Variants in ADGRA1 observed in about 807,000 individuals in gnomAD.
The protein encoded by ADGRA1 is adhesion G protein-coupled receptor A1.
A neutral mutation model predicts 21.3 loss-of-function variants in ADGRA1; 12 were observed. That is an observed-to-expected ratio of 0.56 (90% CI 0.36 to 0.91). ADGRA1 has a LOEUF of 0.91. Among genes scored for constraint, ADGRA1 ranks in the 40% least tolerant of loss-of-function variants. The probability of loss-of-function intolerance (pLI) is 0.01; values close to 1 mark genes in which losing one functional copy is unlikely to be tolerated. For missense variants in ADGRA1, 790 were observed against 805.6 expected (o/e 0.98, Z 0.23); for synonymous variants, 385 against 368.8 (o/e 1.04, Z -0.50).
At chr10:133,114,718 C>T (rs1420575610) in intron 5 of ADGRA1, among the ~76,000 whole-genome samples, 2 of 152,186 alleles carry the variant, frequency 1.3e-5, no homozygotes, top group African/African-American at 2.4e-5. Context: ...TCAGAAGTCA[C>T]GGTTAACTCA....
At chr10:133,126,679 G>T (rs977950299) in intron 5 of ADGRA1, among the ~76,000 whole-genome samples, 1 of 152,196 alleles carries the variant, frequency 6.6e-6, no homozygotes, top group East Asian at 1.9e-4. Context: ...CCCTGGGCTC[G>T]GGCTGTGCCT....
intron 2 of ADGRA1, among the ~76,000 whole-genome samples, chr10:133,089,731 C>T (rs73397181): frequency 6.6e-6 from 1 of 152,260 alleles, no homozygotes; most frequent in Non-Finnish European, 1.5e-5. Context: ...CGGTCTGAGT[C>T]ACTTGCTCAT....
chr10:133,112,019 A>G (rs9419108), intron 5 of ADGRA1, among the ~76,000 whole-genome samples: 1,606 of 27,700 alleles, frequency 0.058, 405 homozygotes, highest in African/African-American at 0.2. Context: ...CCCACCACAG[A>G]CACCTCCCTC....
rs183709079 is a variant in ADGRA1 at position 133,112,313 on chromosome 10, G to A, written c.401+9471G>A. The stretch of plus-strand genomic sequence containing the variant: ...GCTGTGTCAGTTATTTGGGGTCTGC[G>A]GGCCGCATCGGTTATCTGGGGTCTG... On this transcript the variant is annotated intron_variant, in intron 5 of 6. Coordinates refer to ENST00000392607, the MANE Select transcript of ADGRA1 (RefSeq NM_001083909.3). Among the ~76,000 whole-genome samples, 133 of 151,900 alleles carry A rather than the reference G, an allele frequency of 8.8e-4. 1 individual carries two copies. Among genetic ancestry groups the A allele is most frequent in the Admixed American group, 4.4e-3 (67 of 15,268 alleles).
intron 2 of ADGRA1, chr10:133,095,504 C>T: frequency 5.9e-6 from 5 of 854,332 alleles, no homozygotes; most frequent in Non-Finnish European, 8.6e-6. Flanking sequence ...CGCTCCTCTC[C>T]CAGGTGCCTT....
intron 4 of ADGRA1, among the ~76,000 whole-genome samples, chr10:133,100,809 G>A (rs768378289): frequency 1.3e-5 from 2 of 152,226 alleles, no homozygotes; most frequent in Non-Finnish European, 2.9e-5. Context: ...GTGAAGCCGC[G>A]TTCCAGAACA....
At chr10:133,114,417 G>A (rs917264213) in intron 5 of ADGRA1, among the ~76,000 whole-genome samples, 1 of 152,172 alleles carries the variant, frequency 6.6e-6, no homozygotes, top group African/African-American at 2.4e-5. Context: ...TGTCAGTCAC[G>A]AAGCGTCCTC....
rs59424819 is a variant in ADGRA1, at chr10:133,124,829, CCCCCGG to C, written c.402-2380_402-2375del. Among the ~76,000 whole-genome samples, 28 of 152,082 alleles carry C rather than the reference CCCCCGG, an allele frequency of 1.8e-4. No homozygotes were observed. The East Asian group carries it at 1.9e-3, about 11-fold the overall frequency. ...GCTGGACCCAGCGGAGCACCCCCTTCCCCCGGCCCCGGCCCCGGCCCCGGCCCCGCG... is the reference window on the plus strand; with the variant it reads ...GCTGGACCCAGCGGAGCACCCCCTTCCCCCGGCCCCGGCCCCGGCCCCGCG... On this transcript the variant is annotated intron_variant, in intron 5 of 6. Transcript: ENST00000392607.
At chr10:133,095,787 C>G in intron 2 of ADGRA1, 3 of 1,598,112 alleles carry the variant, frequency 1.9e-6, no homozygotes, top group Non-Finnish European at 2.5e-6. Flanking sequence ...ACAGGTGACA[C>G]TGCCTCTGCC....
intron 5 of ADGRA1, among the ~76,000 whole-genome samples, chr10:133,110,551 G>A (rs116916805): frequency 2.4e-3 from 359 of 152,376 alleles, no homozygotes; most frequent in Non-Finnish European, 4.7e-3. Context: ...AGGGTCGAAT[G>A]TTCAGAGAGA....
At chr10:133,101,277 T>C (rs996224670) in intron 4 of ADGRA1, among the ~76,000 whole-genome samples, 3 of 152,092 alleles carry the variant, frequency 2.0e-5, no homozygotes, top group African/African-American at 7.2e-5. Context: ...CAGCACTGAG[T>C]GAAACCTGGT....
chr10:133,095,618 C>T (rs2135867573), intron 2 of ADGRA1: 1 of 1,573,106 alleles, frequency 6.4e-7, no homozygotes, highest in East Asian at 2.3e-5. Flanking sequence ...CTATTTCGGG[C>T]TTTGACTGTC....
rs775851884 is a variant in ADGRA1 at position 133,128,979 on chromosome 10, G to A, written c.1151G>A (p.Cys384Tyr). ...TGCCTGTCACCGGCCACCCCGTGCT[G>A]CGCCAAGATGCACTGCGAGCCACTG... The part of the protein sequence containing the change: ...ASCLSPATPC[C>Y]AKMHCEPLTA... The change falls in exon 7 of 7, where the codon TGC becomes TAC. Residue 384 changes from cysteine (C) to tyrosine (Y), a missense_variant. By Grantham distance (194) the Cys-to-Tyr change is radical. Transcript: ENST00000392607. 2.6e-6 allele frequency: 4 copies of A among 1,561,594 alleles called. No homozygotes were observed. The highest frequency in any genetic ancestry group is 1.7e-4 in the Middle Eastern group (1 of 5,932).
Position 133,129,176 on chromosome 10 carries a change from A to G in ADGRA1, c.1348A>G (p.Ser450Gly). 1 of 1,551,058 alleles carries G rather than the reference A, an allele frequency of 6.4e-7. No homozygotes were observed. Among genetic ancestry groups the G allele is most frequent in the South Asian group, 1.2e-5 (1 of 84,144 alleles). ...IPSSLDGSPR[S>G]SRTDSPPSSL... is the part of the protein sequence containing the mutation. ...ATCCAGCCTGGATGGCAGCCCCCGC[A>G]GCTCGCGCACAGACAGCCCCCCCAG... The change falls in exon 7 of 7, where the codon AGC (serine) becomes GGC (glycine). Residue 450 changes from serine to glycine, a missense_variant. Around this residue, in one of 3 missense-constraint regions of ADGRA1, gnomAD observed 391 missense variants for 351.5 expected, o/e 1.11. Coordinates refer to ENST00000392607, the MANE Select transcript of ADGRA1 (RefSeq NM_001083909.3).
intron 5 of ADGRA1, among the ~76,000 whole-genome samples, chr10:133,118,710 G>A (rs958856146): frequency 6.6e-6 from 1 of 152,198 alleles, no homozygotes; most frequent in Admixed American, 6.5e-5. Flanking sequence ...CTCAACACAT[G>A]GGGATTATGG....
At position 133,128,609 on chromosome 10, in the gene ADGRA1, T is replaced by C. The variant is rs765352401; in HGVS notation, c.781T>C (p.Phe261Leu). 10 of 1,603,124 alleles carry C rather than the reference T, an allele frequency of 6.2e-6. No individual in the cohort carries two copies. The highest frequency in any genetic ancestry group is 2.2e-5 in the East Asian group (1 of 44,496). ...CCAGGCACAGCTGCGCGCCGCCGCC[T>C]TCACGCTGTTCCTGTTCACGGCCAC... Reference protein sequence around the residue: ...SFQAQLRAAAFTLFLFTATWA... With the variant: ...SFQAQLRAAALTLFLFTATWA... Residue 261 changes from phenylalanine (F) to leucine (L), a missense_variant, in exon 7 of 7, where the codon TTC (phenylalanine) becomes CTC (leucine). Coordinates refer to ENST00000392607, the MANE Select transcript of ADGRA1 (RefSeq NM_001083909.3).
intron 4 of ADGRA1, chr10:133,102,444 G>A: frequency 1.6e-6 from 1 of 627,114 alleles, no homozygotes; most frequent in South Asian, 1.5e-5. Context: ...ACAGGCCCAT[G>A]GGTCCCCACA....
chr10:133,128,214 A>C, intron 6 of ADGRA1, 115 bp from the exon 7 acceptor site: 1 of 717,152 alleles, frequency 1.4e-6, no homozygotes, highest in Non-Finnish European at 2.2e-6. Flanking sequence ...CCCAAGCCGC[A>C]GCTGTGCAAA....
At chr10:133,097,212 C>T in intron 3 of ADGRA1, 111 bp downstream of exon 3, 1 of 1,337,912 alleles carries the variant, frequency 7.5e-7, no homozygotes, top group Non-Finnish European at 1.0e-6. Flanking sequence ...GCAAGAAGTC[C>T]TTGAAGGTAC....
Sources: allele counts gnomAD v4.1 joint callset (sites outside exome capture counted in the v4.1 genomes callset), GRCh38; gene constraint gnomAD v4.1.1; regional missense constraint gnomAD v4.1.1; transcripts MANE v1.5; gene names NCBI Gene and HGNC (gene_info 2026-07-23, HGNC 2026-07-21).